The following CSGALNACT1 variants were observed in gnomAD, a reference collection of about 807,000 sequenced individuals.
CSGALNACT1 encodes the protein chondroitin sulfate N-acetylgalactosaminyltransferase 1.
In CSGALNACT1, 52 loss-of-function variants were observed where a neutral mutation model predicts 51.0. The observed-to-expected ratio is 1.02, with a 90% CI of 0.82 to 1.29. The LOEUF is 1.29. Among genes scored for constraint, CSGALNACT1 ranks in the 50% most tolerant of loss-of-function variants. The pLI is 0.00. For missense variants in CSGALNACT1, 935 were observed against 679.2 expected (o/e 1.38, Z -4.19); for synonymous variants, 341 against 254.4 (o/e 1.34, Z -3.24).
chr8:19,636,229 A>G (rs1019435691), intron 1 of CSGALNACT1, among the ~76,000 whole-genome samples: 1 of 152,192 alleles, frequency 6.6e-6, no homozygotes, highest in East Asian at 1.9e-4. Flanking sequence ...CGTAACTTTT[A>G]TTACAGTATA....
rs763936463 is a variant in CSGALNACT1, at chr8:19,446,008, C to A, written c.852-6077G>T. Reference sequence around the variant, plus strand: ...TGGCCAACATGGTGAAACCCCATGTCTATTAAAAATACAAAAATTAGTCAG... The same window carrying A: ...TGGCCAACATGGTGAAACCCCATGTATATTAAAAATACAAAAATTAGTCAG... On this transcript the variant is annotated intron_variant, in intron 5 of 9. Transcript: ENST00000454498. Among the ~76,000 whole-genome samples the A allele has an allele frequency of 3.5e-4, 53 of 152,194 alleles. No individual in the cohort carries two copies. In the Middle Eastern group the frequency reaches 0.01, roughly 29 times the overall value.
intron 1 of CSGALNACT1, among the ~76,000 whole-genome samples, chr8:19,714,391 T>A (rs1269629095): frequency 6.6e-6 from 1 of 152,162 alleles, no homozygotes; most frequent in Non-Finnish European, 1.5e-5. Context: ...CTCGGATCTG[T>A]AATTTGGTGT....
intron 1 of CSGALNACT1, among the ~76,000 whole-genome samples, chr8:19,720,420 G>T (rs1048040103): frequency 1.3e-5 from 2 of 152,186 alleles, no homozygotes; most frequent in Non-Finnish European, 2.9e-5. Flanking sequence ...GCTCAAAAGA[G>T]TTCAGAGGAG....
At chr8:19,696,521 C>T (rs940594923) in intron 1 of CSGALNACT1, among the ~76,000 whole-genome samples, 8 of 152,192 alleles carry the variant, frequency 5.3e-5, no homozygotes, top group African/African-American at 1.9e-4. Flanking sequence ...AAGGAGGAAG[C>T]AACCACCTGT....
intron 1 of CSGALNACT1, among the ~76,000 whole-genome samples, chr8:19,701,155 T>TTTTTTTTTG (rs1259997243): frequency 1.5e-5 from 2 of 134,676 alleles, no homozygotes; most frequent in East Asian, 2.1e-4. Context: ...TATTATCCGT[T>TTTTTTTTTG]TTTTTTTTTT....
intron 3 of CSGALNACT1, among the ~76,000 whole-genome samples, chr8:19,581,046 A>G (rs1310021603): frequency 1.3e-5 from 2 of 152,348 alleles, no homozygotes; most frequent in African/African-American, 2.4e-5. Flanking sequence ...CTATTATTCC[A>G]AGAGGAAAAG....
At chr8:19,435,429 G>A (rs948454481) in intron 6 of CSGALNACT1, among the ~76,000 whole-genome samples, 2 of 151,338 alleles carry the variant, frequency 1.3e-5, no homozygotes, top group Non-Finnish European at 2.9e-5. Context: ...AGAGGTGGAG[G>A]TTGCAGGGAG....
chr8:19,505,591 G>C (rs1405117515), exon 4 of CSGALNACT1: 1 of 1,613,966 alleles, frequency 6.2e-7, no homozygotes, highest in Non-Finnish European at 8.5e-7. Context: ...TCCTCCTTGA[G>C]CTGTGCGATC....
intron 3 of CSGALNACT1, among the ~76,000 whole-genome samples, chr8:19,531,094 A>C (rs2082685608): frequency 6.6e-6 from 1 of 152,206 alleles, no homozygotes; most frequent in Non-Finnish European, 1.5e-5. Flanking sequence ...CATCTTGATG[A>C]TTAAAAGAAA....
intron 1 of CSGALNACT1, among the ~76,000 whole-genome samples, chr8:19,701,159 T>TG (rs1564446244): frequency 1.4e-5 from 2 of 140,554 alleles, no homozygotes; most frequent in East Asian, 2.1e-4. Flanking sequence ...ATCCGTTTTT[T>TG]TTTTTTTTTT....
intron 3 of CSGALNACT1, among the ~76,000 whole-genome samples, chr8:19,507,055 A>C (rs1287028418): frequency 6.6e-6 from 1 of 152,178 alleles, no homozygotes; most frequent in Non-Finnish European, 1.5e-5. Flanking sequence ...CTGATCAGGA[A>C]CTGGGGAAGC....
At chr8:19,527,517 G>A (rs942536929) in intron 3 of CSGALNACT1, among the ~76,000 whole-genome samples, 4 of 152,176 alleles carry the variant, frequency 2.6e-5, no homozygotes, top group Admixed American at 6.5e-5. Flanking sequence ...GGCTGAGGAC[G>A]GAAAATCGCT....
At chr8:19,592,825 A>G (rs1243545269) in intron 2 of CSGALNACT1, among the ~76,000 whole-genome samples, 1 of 152,224 alleles carries the variant, frequency 6.6e-6, no homozygotes, top group African/African-American at 2.4e-5. Flanking sequence ...ACAACAGGTC[A>G]ATCTAAGTAA....
chr8:19,688,493 T>A (rs2061104288), intron 1 of CSGALNACT1, among the ~76,000 whole-genome samples: 1 of 152,162 alleles, frequency 6.6e-6, no homozygotes, highest in African/African-American at 2.4e-5. Context: ...CTAAAGCAAA[T>A]GTTTAACCAG....
chr8:19,679,428 G>A (rs1437032922), intron 1 of CSGALNACT1, among the ~76,000 whole-genome samples: 1 of 152,066 alleles, frequency 6.6e-6, no homozygotes, highest in Non-Finnish European at 1.5e-5. Context: ...CTGTACTCCA[G>A]CCTGGGCAAC....
At chr8:19,518,732 C>T (rs1454665628) in intron 3 of CSGALNACT1, among the ~76,000 whole-genome samples, 2 of 152,116 alleles carry the variant, frequency 1.3e-5, no homozygotes, top group Non-Finnish European at 2.9e-5. Flanking sequence ...GTATATACCC[C>T]AGACAATGTA....
At chr8:19,594,319 G>A (rs1449851009) in intron 2 of CSGALNACT1, among the ~76,000 whole-genome samples, 1 of 152,164 alleles carries the variant, frequency 6.6e-6, no homozygotes, top group Admixed American at 6.5e-5. Flanking sequence ...AAGGACAGTG[G>A]TCAAAGTGCC....
At chr8:19,663,772 T>C (rs2058961880) in intron 1 of CSGALNACT1, among the ~76,000 whole-genome samples, 1 of 152,230 alleles carries the variant, frequency 6.6e-6, no homozygotes, top group Non-Finnish European at 1.5e-5. Flanking sequence ...TTTCAATTCA[T>C]CAAGAAGGAA....
intron 4 of CSGALNACT1, among the ~76,000 whole-genome samples, chr8:19,469,287 C>T (rs965806146): frequency 1.2e-4 from 18 of 152,032 alleles, no homozygotes; most frequent in Non-Finnish European, 4.4e-5. Flanking sequence ...GCTACTTAGG[C>T]GGTGCAGGCA....
Sources: gnomAD v4.1 joint callset for allele counts (sites outside exome capture counted in the v4.1 genomes callset) on GRCh38, gnomAD v4.1.1 for gene constraint, MANE v1.5 for transcripts, NCBI Gene and HGNC (gene_info 2026-07-23, HGNC 2026-07-21) for gene names.